MAIP1: variants seen among roughly 807,000 people sequenced by gnomAD.
The protein encoded by MAIP1 is matrix AAA peptidase interacting protein 1.
In MAIP1, 28 loss-of-function variants were observed where a neutral mutation model predicts 31.2. The ratio of observed to expected loss-of-function variants is 0.90; its 90% CI spans 0.67 to 1.23. MAIP1 has a LOEUF of 1.23. Ranked by LOEUF, MAIP1 falls within the 50% of genes most tolerant of loss-of-function variation. The pLI is 0.00. For synonymous variants in MAIP1, 142 were observed against 142.3 expected (o/e 1.00, Z 0.02); for missense variants, 339 against 356.0 (o/e 0.95, Z 0.38).
chr2:199,963,846 G>A lies in MAIP1; in HGVS notation c.*35G>A. 7.0e-7 allele frequency: 1 copy of A among 1,419,000 alleles called. No homozygotes were observed. Among genetic ancestry groups the A allele is most frequent in the Admixed American group, 1.8e-5 (1 of 55,560 alleles). 87.9% of individuals were successfully genotyped at this position (1,419,000 alleles called of 1,614,324 possible). A position where few individuals can be genotyped will look rare whatever the true frequency, so the allele number is the denominator to read the frequency against. On this transcript the variant is annotated 3_prime_UTR_variant, in exon 5 of 5. Coordinates refer to ENST00000392290, the MANE Select transcript of MAIP1 (RefSeq NM_001394955.1). Reference sequence around the variant, plus strand: ...AAAAATCAGCTTATGGACTTTAGCAGTTGCTGTGAAAAACTAAGGAAGAAA... The same window carrying A: ...AAAAATCAGCTTATGGACTTTAGCAATTGCTGTGAAAAACTAAGGAAGAAA...
At chr2:199,959,511 C>A (rs995170811) in intron 2 of MAIP1, among the ~76,000 whole-genome samples, 172 bp downstream of exon 2, 2 of 152,122 alleles carry the variant, frequency 1.3e-5, no homozygotes, top group East Asian at 3.9e-4. Flanking sequence ...TGGAATAACT[C>A]CTGCCACTTA....
chr2:199,962,861 C>G (rs1286766525), intron 4 of MAIP1, among the ~76,000 whole-genome samples: 1 of 152,092 alleles, frequency 6.6e-6, no homozygotes, highest in East Asian at 1.9e-4. Context: ...CGAATAAAAT[C>G]TAGAACAGTG....
chr2:199,961,545 G>A (rs943804419), intron 3 of MAIP1, among the ~76,000 whole-genome samples: 1 of 152,164 alleles, frequency 6.6e-6, no homozygotes, highest in African/African-American at 2.4e-5. Context: ...GCTCAGTTAA[G>A]TAGTAGTTTT....
chr2:199,960,306 A>G (rs1258456185), intron 3 of MAIP1, among the ~76,000 whole-genome samples: 6 of 152,234 alleles, frequency 3.9e-5, no homozygotes. Flanking sequence ...GAAAAGGTTA[A>G]CTGCAGAACT....
At chr2:199,957,755 T>C (rs2105724595) in intron 1 of MAIP1, among the ~76,000 whole-genome samples, 1 of 152,374 alleles carries the variant, frequency 6.6e-6, no homozygotes, top group South Asian at 2.1e-4. Flanking sequence ...GATAAACCTC[T>C]GCTCTTGTCA....
chr2:199,960,015 C>A, intron 3 of MAIP1, 135 bp downstream of exon 3: 2 of 768,382 alleles, frequency 2.6e-6, no homozygotes, highest in Non-Finnish European at 4.0e-6. Context: ...TATATCCATT[C>A]TTTAAAGACC....
At chr2:199,959,926 G>A (rs778987267) in intron 3 of MAIP1, 46 bp downstream of exon 3, 17 of 1,577,510 alleles carry the variant, frequency 1.1e-5, no homozygotes, top group Non-Finnish European at 1.5e-5. Flanking sequence ...TAATTGTCCA[G>A]ATAAGCTAAA....
Position 199,955,953 on chromosome 2 carries a change from C to T in MAIP1, c.155C>T (p.Ala52Val), listed in dbSNP as rs2077599366. 3 of 1,607,084 alleles carry T rather than the reference C, an allele frequency of 1.9e-6. No individual in the cohort carries two copies. Among genetic ancestry groups the T allele is most frequent in the Non-Finnish European group, 2.6e-6 (3 of 1,175,760 alleles). ...CGCTGTCGCCTCGGCTTGGGAGCGGCGTTATTTCCACGAAGCGCTAGGGCC... is the reference window on the plus strand; with the variant it reads ...CGCTGTCGCCTCGGCTTGGGAGCGGTGTTATTTCCACGAAGCGCTAGGGCC... The part of the protein sequence containing the change: ...FCRCRLGLGA[A>V]LFPRSARALA... The change falls in exon 1 of 5, where the codon GCG (alanine) becomes GTG (valine). Residue 52 changes from alanine (A) to valine (V), a missense_variant. Coordinates refer to ENST00000392290, the MANE Select transcript of MAIP1 (RefSeq NM_001394955.1).
rs2077605251 is a variant in MAIP1 at position 199,956,437 on chromosome 2, C to G, written c.450+189C>G. ...CTGGGCCGGGAATGGTGGTACACGC[C>G]TGTAGTCTCAGCTACTTGGGAGGCT... is the stretch of plus-strand genomic sequence containing the variant. On this transcript the variant is annotated intron_variant, in intron 1 of 4. Transcript: ENST00000392290. Among the ~76,000 whole-genome samples the G allele has an allele frequency of 2.0e-5, 3 of 152,282 alleles. No homozygotes were observed. The South Asian group carries it at 6.2e-4, about 32-fold the overall frequency.
intron 1 of MAIP1, among the ~76,000 whole-genome samples, chr2:199,958,852 T>C (rs779719089): frequency 2.2e-4 from 33 of 152,238 alleles, no homozygotes; most frequent in Non-Finnish European, 3.5e-4. Flanking sequence ...AGATTCAGAC[T>C]ACAGCCCAGA....
At position 199,956,238 on chromosome 2, in the gene MAIP1, G is replaced by T; in HGVS notation, c.440G>T (p.Gly147Val). ...KEFSITEFSE[G>V]AKQAFAHVSK... is the part of the protein sequence containing the mutation. Reference sequence around the variant, plus strand: ...TTCAGCATCACAGAGTTCTCCGAGGGAGCGAAGCAGGTTTGTTTATTTCCC... The same window carrying T: ...TTCAGCATCACAGAGTTCTCCGAGGTAGCGAAGCAGGTTTGTTTATTTCCC... Residue 147 changes from glycine to valine, a missense_variant, in exon 1 of 5, where the codon GGA (glycine) becomes GTA (valine). Transcript: ENST00000392290. 1 of 1,610,574 alleles carries T rather than the reference G, an allele frequency of 6.2e-7. No homozygotes were observed. The highest frequency in any genetic ancestry group is 8.5e-7 in the Non-Finnish European group (1 of 1,177,938).
intron 1 of MAIP1, among the ~76,000 whole-genome samples, chr2:199,958,212 C>A (rs960942071): frequency 2.6e-5 from 4 of 152,164 alleles, no homozygotes; most frequent in Admixed American, 6.5e-5. Flanking sequence ...CTTGCATGGT[C>A]CTCCCTGTGC....
chr2:199,955,839 C>T lies in MAIP1; in HGVS notation c.41C>T (p.Ser14Phe), dbSNP rs755871913. 6.6e-7 allele frequency: 1 copy of T among 1,522,378 alleles called. No homozygotes were observed. Among genetic ancestry groups the T allele is most frequent in the African/African-American group, 1.4e-5 (1 of 71,882 alleles). 94.3% of individuals were successfully genotyped at this position (1,522,378 alleles called of 1,614,324 possible). The change falls in exon 1 of 5, where the codon TCT becomes TTT. Residue 14 changes from serine (S) to phenylalanine (F), a missense_variant. Physicochemically the swap from Ser to Phe is radical, Grantham distance 155 (BLOSUM62 -2). Transcript: ENST00000392290. ...CGTTTGCTACCCCAGTTCCTGCACT[C>T]TCGGTCGCTGCCCTGCGGGGCCGTC... is the stretch of plus-strand genomic sequence containing the variant. Reference protein sequence around the residue: ...AARLLPQFLHSRSLPCGAVRL... With the variant: ...AARLLPQFLHFRSLPCGAVRL...
intron 1 of MAIP1, among the ~76,000 whole-genome samples, chr2:199,957,942 C>T (rs2077616792): frequency 6.6e-6 from 1 of 152,176 alleles, no homozygotes; most frequent in Non-Finnish European, 1.5e-5. Context: ...CATCAGGCCT[C>T]AGTACTTGTT....
chr2:199,961,267 A>G (rs995117196), intron 3 of MAIP1, among the ~76,000 whole-genome samples: 26 of 152,118 alleles, frequency 1.7e-4, no homozygotes, highest in African/African-American at 6.3e-4. Flanking sequence ...GTTCAAGACC[A>G]GCCTGGGCAA....
chr2:199,961,455 C>T (rs1382082730), intron 3 of MAIP1, among the ~76,000 whole-genome samples: 1 of 152,020 alleles, frequency 6.6e-6, no homozygotes, highest in Non-Finnish European at 1.5e-5. Flanking sequence ...CAGAGTGAGA[C>T]TCTGTGTCAA....
At chr2:199,957,815 G>A (rs559980790) in intron 1 of MAIP1, among the ~76,000 whole-genome samples, 10 of 152,294 alleles carry the variant, frequency 6.6e-5, no homozygotes, top group Non-Finnish European at 1.5e-4. Context: ...TGATCCTACT[G>A]TTCTGTACAA....
chr2:199,963,900 A>G lies in MAIP1; in HGVS notation c.*89A>G, dbSNP rs909679473. ...TTTGGGGTCATTTGATCTTCACTTA[A>G]TCTAAGTCTGTGAATTACTTTTATA... On this transcript the variant is annotated 3_prime_UTR_variant, in exon 5 of 5. Transcript: ENST00000392290. The G allele has an allele frequency of 1.2e-5, 8 of 689,894 alleles. No individual in the cohort carries two copies. The highest frequency in any genetic ancestry group is 1.1e-4 in the African/African-American group (6 of 55,460). The allele number at this position is 689,894 out of a possible 1,614,324, so 42.7% of individuals were successfully genotyped here. A position where few individuals can be genotyped will look rare whatever the true frequency, so the allele number is the denominator to read the frequency against.
In MAIP1 at chr2:199,961,594, A is replaced by C. The variant is rs2077637125; in HGVS notation, c.650-187A>C. Among the ~76,000 whole-genome samples the C allele has an allele frequency of 3.3e-5, 5 of 152,228 alleles. No homozygotes were observed. The South Asian group carries it at 1.0e-3, about 32-fold the overall frequency. ...AGAGAAGAGGGCAAGTATGCCATAA[A>C]CCCTAAGACAATTTTCTAAAAATAA... On this transcript the variant is annotated intron_variant, in intron 3 of 4. Coordinates refer to ENST00000392290, the MANE Select transcript of MAIP1 (RefSeq NM_001394955.1).
Sources: gnomAD v4.1 joint callset for allele counts (sites outside exome capture counted in the v4.1 genomes callset) on GRCh38, gnomAD v4.1.1 for gene constraint, MANE v1.5 for transcripts, NCBI Gene and HGNC (gene_info 2026-07-23, HGNC 2026-07-21) for gene names.